WASHC2C: variants seen among roughly 807,000 people sequenced by gnomAD.
WASHC2C encodes Vaccinia Penetration Factor.
Under a neutral mutation model 142.2 loss-of-function variants are expected in WASHC2C, and 73 were observed. The observed-to-expected ratio is 0.51, with a 90% CI of 0.43 to 0.62. The LOEUF (loss-of-function observed/expected upper bound fraction) is 0.62, where lower values mean the gene tolerates loss of function less well. Among genes scored for constraint, WASHC2C ranks in the 20% least tolerant of loss-of-function variants. WASHC2C has a pLI of 0.00. For synonymous variants in WASHC2C, 337 were observed against 565.5 expected, an observed-to-expected ratio of 0.60 and a Z score of 5.73; for missense variants, 969 against 1,531.7, an observed-to-expected ratio of 0.63 and a Z score of 6.13.
upstream of WASHC2C, chr10:45,727,129 C>G (rs1355371882): frequency 2.1e-6 from 3 of 1,424,790 alleles, no homozygotes; most frequent in African/African-American, 4.4e-5. Flanking sequence ...AAACTCCAGT[C>G]CCAGTCCACT....
In WASHC2C at chr10:45,768,182, G is replaced by A. The variant is rs1348971118; in HGVS notation, c.1870-1267G>A. Among the ~76,000 whole-genome samples the A allele has an allele frequency of 4.6e-5, 7 of 150,626 alleles. No homozygotes were observed. In the South Asian group the frequency reaches 6.3e-4, roughly 13 times the overall value. ...GCAGAGGTTGCAGTGAGCCGAGACC[G>A]CGCCACTGCACTCCAGCCCGGGCCA... On this transcript the variant is annotated intron_variant, in intron 19 of 30. Coordinates refer to ENST00000623400, the MANE Select transcript of WASHC2C (RefSeq NM_001330074.2).
In WASHC2C at chr10:45,727,446, G is replaced by A; in HGVS notation, c.33G>A (p.Leu11=). 3 of 1,611,332 alleles carry A rather than the reference G, an allele frequency of 1.9e-6. No homozygotes were observed. The highest frequency in any genetic ancestry group is 8.5e-7 in the Non-Finnish European group (1 of 1,179,440). Residue 11 remains leucine (L), a synonymous_variant, in exon 2 of 31, where the codon CTG becomes CTA. Coordinates refer to ENST00000623400, the MANE Select transcript of WASHC2C (RefSeq NM_001330074.2). ...ACCGGACGACCCCCGACCAGGAGCTGGTGCCGGCGTCGGAGCCCGTGTGGG... is the reference window on the plus strand; with the variant it reads ...ACCGGACGACCCCCGACCAGGAGCTAGTGCCGGCGTCGGAGCCCGTGTGGG... MMNRTTPDQE[L]VPASEPVWER...
chr10:45,754,874 C>G lies in WASHC2C; in HGVS notation c.1241-62C>G, dbSNP rs1233095109. 4 of 1,586,544 alleles carry G rather than the reference C, an allele frequency of 2.5e-6. No homozygotes were observed. In the African/African-American group the frequency reaches 4.1e-5, roughly 16 times the overall value. On this transcript the variant is annotated intron_variant, in intron 14 of 30. Coordinates refer to ENST00000623400, the MANE Select transcript of WASHC2C (RefSeq NM_001330074.2). ...GTTTTTGGTGGGTGATAATTTTTTT[C>G]TGTAAATTCAACCGGCCCACACTGG...
At chr10:45,727,131 C>A, upstream of WASHC2C, 6 of 1,425,622 alleles carry the variant, frequency 4.2e-6, no homozygotes, top group Non-Finnish European at 5.5e-6. Context: ...ACTCCAGTCC[C>A]AGTCCACTTC....
At chr10:45,741,670 G>C (rs1169487594) in intron 5 of WASHC2C, among the ~76,000 whole-genome samples, 1 of 152,098 alleles carries the variant, frequency 6.6e-6, no homozygotes, top group Admixed American at 6.6e-5. Context: ...ATTCTCCCCT[G>C]CCCCAGAGTC....
rs373539344 is a variant in WASHC2C at position 45,730,408 on chromosome 10, C to T, written c.291+1382C>T. Among the ~76,000 whole-genome samples the T allele has an allele frequency of 4.1e-4, 60 of 146,594 alleles. No individual in the cohort carries two copies. The East Asian group carries it at 8.1e-3, about 20-fold the overall frequency. ...TTTTCTGATTGTTTACACAGAATGT[C>T]CATGCTTGGTCCTGACTATCTCACT... On this transcript the variant is annotated intron_variant, in intron 3 of 30. Coordinates refer to ENST00000623400, the MANE Select transcript of WASHC2C (RefSeq NM_001330074.2).
Position 45,789,539 on chromosome 10 carries a change from T to C in WASHC2C, c.3708+48T>C. 12 of 1,610,724 alleles carry C rather than the reference T, an allele frequency of 7.5e-6. No homozygotes were observed. In the South Asian group the frequency reaches 1.3e-4, roughly 18 times the overall value. ...TGTGTCTGTTCTAAGTTAAGGAAGG[T>C]ATCTGATTGGCTTATTTGAGCCATA... On this transcript the variant is annotated intron_variant, in intron 29 of 30. Transcript: ENST00000623400.
chr10:45,790,651 A>T, intron 30 of WASHC2C, 118 bp downstream of exon 30: 1 of 1,028,982 alleles, frequency 9.7e-7, no homozygotes, highest in Non-Finnish European at 1.5e-6. Flanking sequence ...GGTTCACTTC[A>T]GTGTAATCCT....
chr10:45,754,433 C>A, intron 13 of WASHC2C, 53 bp from the exon 14 acceptor site: 1 of 1,601,518 alleles, frequency 6.2e-7, no homozygotes, highest in Non-Finnish European at 8.5e-7. Flanking sequence ...AAGAAAATAG[C>A]AAGGAAAGTT....
chr10:45,767,561 A>G (rs1177057982), intron 19 of WASHC2C, among the ~76,000 whole-genome samples: 2 of 152,268 alleles, frequency 1.3e-5, no homozygotes. Context: ...AGAGTATTAT[A>G]GTGGTTCAGG....
Position 45,787,185 on chromosome 10 carries a change from G to A in WASHC2C, c.3025G>A (p.Gly1009Arg), listed in dbSNP as rs1279990144. The change falls in exon 28 of 31, where the codon GGG becomes AGG. Residue 1009 changes from glycine to arginine, a missense_variant. Transcript: ENST00000623400. ...LESVPVLPGS[G>R]EAGVSFDLPA... Reference sequence around the variant, plus strand: ...AAGTGTGCCTGTCCTTCCCGGGAGTGGGGAGGCCGGTGTGAGTTTTGATCT... The same window carrying A: ...AAGTGTGCCTGTCCTTCCCGGGAGTAGGGAGGCCGGTGTGAGTTTTGATCT... The A allele has an allele frequency of 1.3e-6, 2 of 1,549,536 alleles. No homozygotes were observed. The highest frequency in any genetic ancestry group is 1.4e-5 in the African/African-American group (1 of 71,772).
chr10:45,786,190 G>T (rs868973431), intron 26 of WASHC2C, among the ~76,000 whole-genome samples: 1 of 152,098 alleles, frequency 6.6e-6, no homozygotes, highest in Non-Finnish European at 1.5e-5. Context: ...GCACTTGGAC[G>T]AACACATCAC....
At chr10:45,749,650 C>T (rs2053287077) in intron 8 of WASHC2C, among the ~76,000 whole-genome samples, 1 of 150,894 alleles carries the variant, frequency 6.6e-6, no homozygotes, top group South Asian at 2.1e-4. Flanking sequence ...CATGGTGAAA[C>T]CCCATCTCTA....
chr10:45,770,240 C>CAAAA (rs552574113), intron 20 of WASHC2C, among the ~76,000 whole-genome samples: 26 of 83,116 alleles, frequency 3.1e-4, no homozygotes, highest in East Asian at 1.7e-3. Flanking sequence ...GACTCCATCT[C>CAAAA]AAAAAAAAAA....
intron 7 of WASHC2C, 145 bp from the exon 8 acceptor site, chr10:45,746,455 A>G: frequency 4.1e-6 from 4 of 966,274 alleles, no homozygotes; most frequent in Admixed American, 1.8e-5. Flanking sequence ...TAAGGTGACC[A>G]GTAGTCAGTA....
chr10:45,729,842 A>G (rs1403039488), intron 3 of WASHC2C, among the ~76,000 whole-genome samples: 9 of 151,752 alleles, frequency 5.9e-5, no homozygotes, highest in Admixed American at 5.9e-4. Flanking sequence ...AAATTATTAA[A>G]AAAGCCCAAG....
At position 45,772,924 on chromosome 10, in the gene WASHC2C, C is replaced by A. The variant is rs1554885178; in HGVS notation, c.2040-332C>A. ...CACGTCCGCTTTGATTCTTTTTGTG[C>A]TATAGGAAGTGGGAGAGAATGTTCT... On this transcript the variant is annotated intron_variant, in intron 20 of 30. Coordinates refer to ENST00000623400, the MANE Select transcript of WASHC2C (RefSeq NM_001330074.2). Among the ~76,000 whole-genome samples the A allele has an allele frequency of 2.0e-5, 3 of 151,928 alleles. No individual in the cohort carries two copies. The East Asian group carries it at 5.8e-4, about 30-fold the overall frequency.
chr10:45,728,917 T>C lies in WASHC2C; in HGVS notation c.182T>C (p.Ile61Thr), dbSNP rs2133992538. The C allele has an allele frequency of 6.2e-7, 1 of 1,613,950 alleles. No homozygotes were observed. Among genetic ancestry groups the C allele is most frequent in the East Asian group, 2.2e-5 (1 of 44,880 alleles). The change falls in exon 3 of 31, where the codon ATC becomes ACC. Residue 61 changes from isoleucine to threonine, a missense_variant. Transcript: ENST00000623400. ...SQQTISRTHE[I>T]KKQVDGLIRE... is the part of the protein sequence containing the mutation. Reference sequence around the variant, plus strand: ...CAAACTATCTCTAGGACCCATGAAATCAAGAAACAAGTGGACGGACTAATC... The same window carrying C: ...CAAACTATCTCTAGGACCCATGAAACCAAGAAACAAGTGGACGGACTAATC...
In WASHC2C at chr10:45,739,593, A is replaced by C. The variant is rs1554866471; in HGVS notation, c.355-480A>C. On this transcript the variant is annotated intron_variant, in intron 4 of 30. Transcript: ENST00000623400. ...TGATGTAGAACAGATTTATAAAATA[A>C]TTGTAATTGTCCAGTTTTTTTTTTT... Among the ~76,000 whole-genome samples, 2 of 151,340 alleles carry C rather than the reference A, an allele frequency of 1.3e-5. 1 individual carries two copies.
Sources: allele counts gnomAD v4.1 joint callset (sites outside exome capture counted in the v4.1 genomes callset), GRCh38; gene constraint gnomAD v4.1.1; transcripts MANE v1.5; gene names NCBI Gene and HGNC (gene_info 2026-07-23, HGNC 2026-07-21).